Variants in DIXDC1 observed in about 807,000 individuals in gnomAD.
DIXDC1 encodes the protein DIX domain containing 1.
Under a neutral mutation model 103.1 loss-of-function variants are expected in DIXDC1, and 64 were observed. The ratio of observed to expected loss-of-function variants is 0.62; its 90% CI spans 0.51 to 0.76. The LOEUF (loss-of-function observed/expected upper bound fraction) is 0.76. Ranked by LOEUF, DIXDC1 falls within the 30% of genes least tolerant of loss-of-function variation. The pLI is 0.00. For missense variants in DIXDC1, 759 were observed against 834.2 expected, an observed-to-expected ratio of 0.91 and a Z score of 1.11; for synonymous variants, 266 against 298.5, an observed-to-expected ratio of 0.89 and a Z score of 1.12.
At chr11:111,929,863 C>G (rs1592527920) in exon 2 of DIXDC1, 2 of 1,535,876 alleles carry the variant, frequency 1.3e-6, no homozygotes, top group Non-Finnish European at 1.7e-6. Context: ...GATGGGGACC[C>G]AAGTGGTTAT....
In DIXDC1 at chr11:111,977,597, G is replaced by A. The variant is rs1307505784; in HGVS notation, c.656+2614G>A. The A allele has an allele frequency of 9.2e-6, 14 of 1,513,698 alleles. No homozygotes were observed. Among genetic ancestry groups the A allele is most frequent in the Non-Finnish European group, 2.7e-6 (3 of 1,130,332 alleles). 93.8% of individuals were successfully genotyped at this position (1,513,698 alleles called of 1,614,324 possible). On this transcript the variant is annotated intron_variant, in intron 5 of 19. Coordinates refer to ENST00000440460, the MANE Select transcript of DIXDC1 (RefSeq NM_001037954.4). The surrounding 1 kb of genome is among the most constrained non-coding windows in gnomAD (Gnocchi z 6.1). ...GGGCCGAGACGCCGCCGCCGCCGCC[G>A]TTCCCGCTTTCTCCCGCGAGCCGGG...
At chr11:111,953,989 G>A (rs1966864502) in intron 1 of DIXDC1, among the ~76,000 whole-genome samples, 1 of 152,064 alleles carries the variant, frequency 6.6e-6, no homozygotes, top group Admixed American at 6.6e-5. Context: ...TAAACCAGAG[G>A]TCCCCAACCT....
chr11:112,004,805 G>A (rs1325525781), intron 17 of DIXDC1, among the ~76,000 whole-genome samples: 5 of 152,166 alleles, frequency 3.3e-5, no homozygotes, highest in African/African-American at 1.2e-4. Context: ...TGCACTGAAG[G>A]TAACCTTAAC....
chr11:111,978,362 G>T (rs980634504), intron 5 of DIXDC1, among the ~76,000 whole-genome samples: 5 of 152,118 alleles, frequency 3.3e-5, no homozygotes, highest in Non-Finnish European at 7.3e-5. Flanking sequence ...CCTTGTCCAT[G>T]AGGTACTTCT....
intron 1 of DIXDC1, among the ~76,000 whole-genome samples, chr11:111,962,569 G>A (rs1859617727): frequency 6.6e-6 from 1 of 152,150 alleles, no homozygotes; most frequent in African/African-American, 2.4e-5. Flanking sequence ...ATTCAGATGA[G>A]CTGAAGCATG....
intron 6 of DIXDC1, 56 bp downstream of exon 6, chr11:111,980,905 T>C: frequency 1.4e-6 from 2 of 1,462,724 alleles, no homozygotes; most frequent in South Asian, 1.2e-5. Context: ...TTGAAGAATT[T>C]AGAGGTCCCC....
chr11:111,973,572 G>GT (rs1340967173), intron 3 of DIXDC1, among the ~76,000 whole-genome samples: 1 of 152,104 alleles, frequency 6.6e-6, no homozygotes, highest in Non-Finnish European at 1.5e-5. Flanking sequence ...ATAGCTACAG[G>GT]TGGCTAATGG....
intron 7 of DIXDC1, among the ~76,000 whole-genome samples, chr11:111,982,836 A>C (rs146685810): frequency 2.4e-4 from 36 of 152,314 alleles, no homozygotes; most frequent in African/African-American, 7.9e-4. Flanking sequence ...TGGCACTGTG[A>C]ATAGTCTGGG....
At chr11:111,971,899 T>A (rs1367577853) in intron 3 of DIXDC1, among the ~76,000 whole-genome samples, 1 of 152,122 alleles carries the variant, frequency 6.6e-6, no homozygotes, top group African/African-American at 2.4e-5. Flanking sequence ...TTCTTACTTA[T>A]AATTGGGAAC....
chr11:111,934,721 A>T (rs1966139974), upstream of DIXDC1, among the ~76,000 whole-genome samples: 1 of 152,198 alleles, frequency 6.6e-6, no homozygotes, highest in Non-Finnish European at 1.5e-5. Flanking sequence ...CAACTAAGAT[A>T]ACTGTGGTGA....
chr11:111,993,873 G>C (rs1860793662), intron 14 of DIXDC1, 133 bp downstream of exon 14: 2 of 1,004,998 alleles, frequency 2.0e-6, no homozygotes, highest in Admixed American at 2.6e-5. Flanking sequence ...TAAAAGTGCA[G>C]GTTCCAGAAT....
upstream of DIXDC1, chr11:111,937,176 T>C (rs1303248883): frequency 1.9e-5 from 18 of 927,392 alleles, no homozygotes; most frequent in Non-Finnish European, 2.3e-5. Flanking sequence ...GCGCGCGCCC[T>C]CGCCAGCCCG....
At chr11:112,013,634 C>G (rs73561938) in intron 17 of DIXDC1, among the ~76,000 whole-genome samples, 6,354 of 152,152 alleles carry the variant, frequency 0.042, 355 homozygotes, top group African/African-American at 0.12. Context: ...CTTTTATATA[C>G]CCTATGTTCA....
At chr11:111,987,058 G>T in intron 9 of DIXDC1, 134 bp downstream of exon 9, 1 of 566,046 alleles carries the variant, frequency 1.8e-6, no homozygotes, top group Non-Finnish European at 3.0e-6. Context: ...AGACCATCCT[G>T]GCTAACATGG....
chr11:111,936,352 C>G (rs1214411639), upstream of DIXDC1, among the ~76,000 whole-genome samples: 1 of 152,202 alleles, frequency 6.6e-6, no homozygotes, highest in African/African-American at 2.4e-5. Context: ...AAGGCTATGA[C>G]TTGAATAGCT....
At chr11:111,948,790 T>C (rs1482274310) in intron 1 of DIXDC1, among the ~76,000 whole-genome samples, 2 of 151,894 alleles carry the variant, frequency 1.3e-5, no homozygotes, top group Admixed American at 6.6e-5. Flanking sequence ...GCATTTGAAC[T>C]CCTTCAGCTT....
intron 1 of DIXDC1, among the ~76,000 whole-genome samples, chr11:111,944,922 C>T (rs1555169215): frequency 6.6e-6 from 1 of 152,206 alleles, no homozygotes; most frequent in African/African-American, 2.4e-5. Flanking sequence ...AAACTCCAGA[C>T]TGAGATTAGT....
intron 17 of DIXDC1, among the ~76,000 whole-genome samples, chr11:112,007,608 C>T (rs901741348): frequency 3.9e-5 from 6 of 152,202 alleles, no homozygotes; most frequent in Non-Finnish European, 5.9e-5. Flanking sequence ...CAGCGGATCT[C>T]TCGACAGAAA....
Position 111,968,533 on chromosome 11 carries a change from G to GTA in DIXDC1, c.212_213dup (p.Gln72TyrfsTer3). On this transcript the variant is annotated frameshift_variant, in exon 3 of 20. Transcript: ENST00000440460. LOFTEE classifies it high-confidence loss of function. ...AACAGCAGGAGAAAAGCTGAGTGGG[G>GTA]TACAGCTGAGTCCCGGTAACCAACA... 6.2e-7 allele frequency: 1 copy of GTA among 1,613,068 alleles called. No individual in the cohort carries two copies. Among genetic ancestry groups the GTA allele is most frequent in the Non-Finnish European group, 8.5e-7 (1 of 1,179,512 alleles).
Sources: allele counts gnomAD v4.1 joint callset (sites outside exome capture counted in the v4.1 genomes callset), GRCh38; gene constraint gnomAD v4.1.1; non-coding constraint Gnocchi (gnomAD v3.1); transcripts MANE v1.5; gene names NCBI Gene and HGNC (gene_info 2026-07-23, HGNC 2026-07-21).